Variants in RPN2 observed in about 807,000 individuals in gnomAD.
RPN2 encodes dolichyl-diphosphooligosaccharide--protein glycosyltransferase subunit 2.
A neutral mutation model predicts 71.4 loss-of-function variants in RPN2; 29 were observed. That is an observed-to-expected ratio of 0.41 (90% CI 0.30 to 0.55). The LOEUF is 0.55. Ranked by LOEUF, RPN2 falls within the 20% of genes least tolerant of loss-of-function variation. The pLI is 0.35. For synonymous variants in RPN2, 308 were observed against 305.0 expected (o/e 1.01, Z -0.10); for missense variants, 726 against 774.1 (o/e 0.94, Z 0.74).
Position 37,204,812 on chromosome 20 carries a change from T to C in RPN2, c.601T>C (p.Phe201Leu), listed in dbSNP as rs1431329785. 2 of 1,613,980 alleles carry C rather than the reference T, an allele frequency of 1.2e-6. No individual in the cohort carries two copies. Among genetic ancestry groups the C allele is most frequent in the East Asian group, 2.2e-5 (1 of 44,890 alleles). ...TGAACTCGGGGGCGTGTATCTCCAG[T>C]TTGAAGAAGGACTGGAAACAACAGC... ...LDELGGVYLQ[F>L]EEGLETTALF... The change falls in exon 6 of 17, where the codon TTT (phenylalanine) becomes CTT (leucine). Residue 201 changes from phenylalanine (F) to leucine (L), a missense_variant. Physicochemically the swap from Phe to Leu is conservative, Grantham distance 22. Transcript: ENST00000237530.
At chr20:37,179,541 G>A in intron 1 of RPN2, 172 bp downstream of exon 1, 4 of 1,393,136 alleles carry the variant, frequency 2.9e-6, no homozygotes, top group Non-Finnish European at 3.7e-6. Flanking sequence ...CTGCGAGCTG[G>A]TGGGAGTGCC....
chr20:37,228,618 G>C lies in RPN2; in HGVS notation c.1368G>C (p.Lys456Asn), dbSNP rs1474506067. ...TGTTTGTTGCCGAGCCAGACAACAAGAACGTGTACAAGTTTGAACTGGATA... is the reference window on the plus strand; with the variant it reads ...TGTTTGTTGCCGAGCCAGACAACAACAACGTGTACAAGTTTGAACTGGATA... ...EVVFVAEPDNKNVYKFELDTS... is the reference protein window; with the variant it reads ...EVVFVAEPDNNNVYKFELDTS... Residue 456 changes from lysine (K) to asparagine (N), a missense_variant, in exon 12 of 17, where the codon AAG becomes AAC. Physicochemically the swap from Lys to Asn is moderately conservative, Grantham distance 94. Coordinates refer to ENST00000237530, the MANE Select transcript of RPN2 (RefSeq NM_002951.5). 2 of 1,614,116 alleles carry C rather than the reference G, an allele frequency of 1.2e-6. No homozygotes were observed. Among genetic ancestry groups the C allele is most frequent in the Non-Finnish European group, 1.7e-6 (2 of 1,180,040 alleles).
intron 9 of RPN2, among the ~76,000 whole-genome samples, chr20:37,218,270 G>A (rs994456562): frequency 6.6e-6 from 1 of 152,122 alleles, no homozygotes; most frequent in East Asian, 1.9e-4. Flanking sequence ...AAATAAATTA[G>A]CCATGTATGG....
chr20:37,241,186 T>C (rs2068540007), intron 16 of RPN2, 117 bp from the exon 17 acceptor site: 1 of 1,174,976 alleles, frequency 8.5e-7, no homozygotes. Flanking sequence ...ATTATTCCCT[T>C]ATAAATGGGA....
At chr20:37,183,614 T>C (rs1467109241) in intron 1 of RPN2, among the ~76,000 whole-genome samples, 2 of 152,204 alleles carry the variant, frequency 1.3e-5, no homozygotes, top group Admixed American at 6.5e-5. Context: ...TGCTAATAAA[T>C]GGCAGAGGTG....
chr20:37,236,650 C>G lies in RPN2; in HGVS notation c.1824C>G (p.Ile608Met). The G allele has an allele frequency of 3.1e-6, 5 of 1,614,000 alleles. No homozygotes were observed. Among genetic ancestry groups the G allele is most frequent in the Non-Finnish European group, 4.2e-6 (5 of 1,179,880 alleles). ...TCCAGACCTTGAAGTACCTGGCCAT[C>G]CTGGGCAGTGTGACGTTTCTGGCTG... Reference protein sequence around the residue: ...NMFQTLKYLAILGSVTFLAGN... With the variant: ...NMFQTLKYLAMLGSVTFLAGN... Residue 608 changes from isoleucine (I) to methionine (M), a missense_variant, in exon 16 of 17, where the codon ATC (isoleucine) becomes ATG (methionine). Physicochemically the swap from Ile to Met is conservative, Grantham distance 10. Transcript: ENST00000237530.
chr20:37,191,987 A>G (rs2067152630), intron 2 of RPN2, among the ~76,000 whole-genome samples: 1 of 148,906 alleles, frequency 6.7e-6, no homozygotes, highest in African/African-American at 2.5e-5. Context: ...CTAGCTATTT[A>G]GGTGGCTGAG....
chr20:37,189,357 G>T (rs1009780845), intron 2 of RPN2, among the ~76,000 whole-genome samples: 1 of 143,806 alleles, frequency 7.0e-6, no homozygotes, highest in African/African-American at 2.6e-5. Context: ...GTGTGTGTGT[G>T]TGTGAACATC....
At chr20:37,188,883 A>G (rs1301449359) in intron 2 of RPN2, among the ~76,000 whole-genome samples, 1 of 151,824 alleles carries the variant, frequency 6.6e-6, no homozygotes, top group East Asian at 1.9e-4. Context: ...TCTGCCTCCC[A>G]AAGTGCTGGG....
rs1401546220 is a variant in RPN2, at chr20:37,236,568, C to T, written c.1754-12C>T. On this transcript the variant is annotated splice_polypyrimidine_tract_variant and intron_variant, in intron 15 of 16. Coordinates refer to ENST00000237530, the MANE Select transcript of RPN2 (RefSeq NM_002951.5). ...TTCATTTAATTGGATGTCATGACAC[C>T]TCTTCTTGCAGCTATGCTGGGACTC... 8.1e-6 allele frequency: 13 copies of T among 1,613,914 alleles called. No homozygotes were observed. Among genetic ancestry groups the T allele is most frequent in the Non-Finnish European group, 1.1e-5 (13 of 1,179,964 alleles).
At chr20:37,204,504 C>G (rs530591192) in intron 5 of RPN2, among the ~76,000 whole-genome samples, 1 of 152,358 alleles carries the variant, frequency 6.6e-6, no homozygotes, top group African/African-American at 2.4e-5. Context: ...TGTGCCATGA[C>G]TCCTGGGCTT....
intron 14 of RPN2, 66 bp from the exon 15 acceptor site, chr20:37,233,954 C>A: frequency 6.5e-7 from 1 of 1,549,598 alleles, no homozygotes; most frequent in Non-Finnish European, 8.9e-7. Flanking sequence ...TTAGCATTGG[C>A]ATGGCTTGTG....
At position 37,225,719 on chromosome 20, in the gene RPN2, T is replaced by C; in HGVS notation, c.1216T>C (p.Phe406Leu). The change falls in exon 11 of 17, where the codon TTC (phenylalanine) becomes CTC (leucine). Residue 406 changes from phenylalanine (F) to leucine (L), a missense_variant. Transcript: ENST00000237530. The stretch of plus-strand genomic sequence containing the variant: ...ATACCCAGCCAAAGCCAAGGGCACA[T>C]TCATCGCAGACAGCCACCAGAACTT... The part of the protein sequence containing the change: ...VTYPAKAKGT[F>L]IADSHQNFAL... The C allele has an allele frequency of 1.2e-6, 2 of 1,614,160 alleles. No individual in the cohort carries two copies. Among genetic ancestry groups the C allele is most frequent in the Non-Finnish European group, 1.7e-6 (2 of 1,180,008 alleles).
chr20:37,210,528 C>CTT (rs10566074), intron 8 of RPN2, among the ~76,000 whole-genome samples: 1 of 118,920 alleles, frequency 8.4e-6, no homozygotes. Context: ...CTTTTGCTAA[C>CTT]TTTTTTTTTT....
At chr20:37,203,622 G>A (rs745336011) in intron 4 of RPN2, among the ~76,000 whole-genome samples, 24 of 152,200 alleles carry the variant, frequency 1.6e-4, no homozygotes, top group Non-Finnish European at 2.4e-4. Context: ...GATTACGGGC[G>A]TGAGCCACTG....
chr20:37,203,226 A>G (rs1240358673), intron 4 of RPN2, among the ~76,000 whole-genome samples: 3 of 152,122 alleles, frequency 2.0e-5, no homozygotes, highest in Non-Finnish European at 2.9e-5. Flanking sequence ...TGCTCAACCA[A>G]TGGGTTTTAT....
chr20:37,185,945 C>T (rs750100684), intron 2 of RPN2, among the ~76,000 whole-genome samples: 8 of 152,226 alleles, frequency 5.3e-5, no homozygotes, highest in Non-Finnish European at 1.0e-4. Flanking sequence ...TTCATGTTGT[C>T]GTATTGTCAG....
At position 37,199,148 on chromosome 20, in the gene RPN2, C is replaced by G. The variant is rs375178656; in HGVS notation, c.402C>G (p.Gly134=). 2 of 1,614,092 alleles carry G rather than the reference C, an allele frequency of 1.2e-6. No individual in the cohort carries two copies. Among genetic ancestry groups the G allele is most frequent in the African/African-American group, 2.7e-5 (2 of 74,946 alleles). Residue 134 remains glycine (G), a synonymous_variant, in exon 4 of 17, where the codon GGC becomes GGG. Transcript: ENST00000237530. ...ACCATGCAGTTGCAGCTCTAAGTGG[C>G]TTTGGCCTTCCCTTGGCATCCCAAG... ...QIYHAVAALS[G]FGLPLASQEA...
At chr20:37,202,025 G>T (rs2067401884) in intron 4 of RPN2, among the ~76,000 whole-genome samples, 1 of 152,198 alleles carries the variant, frequency 6.6e-6, no homozygotes, top group South Asian at 2.1e-4. Context: ...GAAATTGCTG[G>T]CTGGGGAATA....
Sources: allele counts gnomAD v4.1 joint callset (sites outside exome capture counted in the v4.1 genomes callset), GRCh38; gene constraint gnomAD v4.1.1; transcripts MANE v1.5; gene names NCBI Gene and HGNC (gene_info 2026-07-23, HGNC 2026-07-21).